The following ZC2HC1A variants were observed in gnomAD, a reference collection of about 807,000 sequenced individuals.
ZC2HC1A encodes the protein zinc finger C2HC domain-containing protein 1A.
Under a neutral mutation model 40.7 loss-of-function variants are expected in ZC2HC1A, and 28 were observed. The ratio of observed to expected loss-of-function variants is 0.69; its 90% CI spans 0.51 to 0.94. The LOEUF is 0.94. ZC2HC1A is among the 40% of genes least tolerant of loss of function. The pLI is 0.00. For synonymous variants in ZC2HC1A, 129 were observed against 129.2 expected (o/e 1.00, Z 0.01); for missense variants, 389 against 386.3 (o/e 1.01, Z -0.06).
At chr8:78,698,793 G>A (rs555604528) in intron 7 of ZC2HC1A, among the ~76,000 whole-genome samples, 15 of 152,176 alleles carry the variant, frequency 9.9e-5, no homozygotes, top group South Asian at 8.3e-4. Context: ...AAATGTTGAC[G>A]ATTTTTATAC....
At chr8:78,670,539 A>G (rs1304126372) in intron 1 of ZC2HC1A, among the ~76,000 whole-genome samples, 1 of 152,190 alleles carries the variant, frequency 6.6e-6, no homozygotes, top group Non-Finnish European at 1.5e-5. Context: ...AGGTTAATGT[A>G]CCATTTTCCA....
At chr8:78,708,772 C>A (rs1239277087) in intron 7 of ZC2HC1A, among the ~76,000 whole-genome samples, 2 of 151,282 alleles carry the variant, frequency 1.3e-5, no homozygotes, top group Non-Finnish European at 2.9e-5. Flanking sequence ...CCTCCGCCTC[C>A]TGGATTCAAG....
At chr8:78,667,860 AG>A (rs978907202) in intron 1 of ZC2HC1A, among the ~76,000 whole-genome samples, 1 of 152,172 alleles carries the variant, frequency 6.6e-6, no homozygotes, top group African/African-American at 2.4e-5. Flanking sequence ...AGGTGGACAA[AG>A]GTAGGATTCT....
intron 3 of ZC2HC1A, among the ~76,000 whole-genome samples, chr8:78,683,788 A>G (rs1186934691): frequency 2.6e-5 from 4 of 152,128 alleles, no homozygotes; most frequent in Non-Finnish European, 4.4e-5. Flanking sequence ...CCAAACTTAT[A>G]TATTCTGCTT....
chr8:78,677,293 A>G (rs181709974), intron 2 of ZC2HC1A, among the ~76,000 whole-genome samples: 1 of 152,206 alleles, frequency 6.6e-6, no homozygotes, highest in East Asian at 1.9e-4. Context: ...CATTTAAGAC[A>G]GCTTCCATTC....
rs72661312 is a variant in ZC2HC1A, at chr8:78,677,061, A to G, written c.93+1198A>G. Among the ~76,000 whole-genome samples the G allele has an allele frequency of 3.8e-3, 577 of 152,222 alleles. 3 individuals carry two copies. The highest frequency in any genetic ancestry group is 5.7e-3 in the Non-Finnish European group (387 of 67,958). ...AAATGAAAACTGAAAATAAGTATGTAAAACACTTGATTGCTAATTGTGTAC... is the reference window on the plus strand; with the variant it reads ...AAATGAAAACTGAAAATAAGTATGTGAAACACTTGATTGCTAATTGTGTAC... On this transcript the variant is annotated intron_variant, in intron 2 of 8. Coordinates refer to ENST00000263849, the MANE Select transcript of ZC2HC1A (RefSeq NM_016010.3).
chr8:78,697,767 C>G (rs1810473720), intron 6 of ZC2HC1A, among the ~76,000 whole-genome samples: 1 of 151,556 alleles, frequency 6.6e-6, no homozygotes, highest in Non-Finnish European at 1.5e-5. Flanking sequence ...CAACCTTCGC[C>G]TCCCAGGTTC....
intron 4 of ZC2HC1A, among the ~76,000 whole-genome samples, chr8:78,687,929 A>T (rs1007215464): frequency 1.4e-5 from 2 of 142,798 alleles, no homozygotes; most frequent in Admixed American, 7.3e-5. Flanking sequence ...AATTATTTAT[A>T]TCTATATTTT....
intron 3 of ZC2HC1A, among the ~76,000 whole-genome samples, chr8:78,682,550 C>T (rs1351258217): frequency 6.6e-6 from 1 of 152,098 alleles, no homozygotes; most frequent in Non-Finnish European, 1.5e-5. Flanking sequence ...GAAAAACCTG[C>T]CCCCGTGATT....
chr8:78,673,617 G>GT (rs1424280569), intron 1 of ZC2HC1A, among the ~76,000 whole-genome samples: 1 of 152,130 alleles, frequency 6.6e-6, no homozygotes, highest in Non-Finnish European at 1.5e-5. Flanking sequence ...TCTAACTGGC[G>GT]TGAGATGGTA....
chr8:78,713,368 A>T lies in ZC2HC1A; in HGVS notation c.705-1853A>T, dbSNP rs563362132. Among the ~76,000 whole-genome samples the T allele has an allele frequency of 3.3e-5, 5 of 152,196 alleles. No homozygotes were observed. The South Asian group carries it at 1.0e-3, about 32-fold the overall frequency. On this transcript the variant is annotated intron_variant, in intron 7 of 8. Coordinates refer to ENST00000263849, the MANE Select transcript of ZC2HC1A (RefSeq NM_016010.3). ...CCTCTAAATATAAACATTTTGAACA[A>T]CCTCAAGTTACCGATATGGTGACAT...
intron 7 of ZC2HC1A, among the ~76,000 whole-genome samples, chr8:78,708,582 A>C (rs972418115): frequency 6.6e-6 from 1 of 152,042 alleles, no homozygotes; most frequent in Admixed American, 6.5e-5. Context: ...CAATCAAATC[A>C]ATTTCTAGGT....
At chr8:78,712,031 T>A (rs1483875464) in intron 7 of ZC2HC1A, 9 of 1,289,642 alleles carry the variant, frequency 7.0e-6, no homozygotes, top group Non-Finnish European at 1.0e-6. Context: ...ACGGGAAGAC[T>A]TGTGCAAAGG....
Position 78,717,973 on chromosome 8 carries a change from AG to A in ZC2HC1A, c.*481del, listed in dbSNP as rs1811158585. On this transcript the variant is annotated 3_prime_UTR_variant, in exon 9 of 9. Transcript: ENST00000263849. The stretch of plus-strand genomic sequence containing the variant: ...TTTTGTAATTAAAGAGAACAGTTTT[AG>A]TTACCATTAGGTATGTTAAGGTCAC... 1 of 152,464 alleles carries A rather than the reference AG, an allele frequency of 6.6e-6. No homozygotes were observed. Among genetic ancestry groups the A allele is most frequent in the African/African-American group, 2.4e-5 (1 of 41,432 alleles). The allele number at this position is 152,464 out of a possible 1,614,324, so 9.4% of individuals were successfully genotyped here.
intron 4 of ZC2HC1A, among the ~76,000 whole-genome samples, chr8:78,688,641 A>T (rs1384489675): frequency 6.6e-6 from 1 of 152,110 alleles, no homozygotes; most frequent in Non-Finnish European, 1.5e-5. Flanking sequence ...TTTTGGGAAG[A>T]TATTTTATCT....
At chr8:78,669,641 C>T (rs1037189067) in intron 1 of ZC2HC1A, among the ~76,000 whole-genome samples, 11 of 152,032 alleles carry the variant, frequency 7.2e-5, no homozygotes, top group South Asian at 4.1e-4. Flanking sequence ...AATAGTAATC[C>T]GTTACCTTCC....
chr8:78,684,140 C>T (rs1809877402), intron 3 of ZC2HC1A, among the ~76,000 whole-genome samples: 1 of 152,180 alleles, frequency 6.6e-6, no homozygotes, highest in Non-Finnish European at 1.5e-5. Context: ...GTTGCTTACA[C>T]ATTTTGGGGT....
intron 1 of ZC2HC1A, among the ~76,000 whole-genome samples, chr8:78,667,340 T>C (rs1211397870): frequency 2.0e-5 from 3 of 152,138 alleles, no homozygotes; most frequent in African/African-American, 7.2e-5. Context: ...TGCTTATGTG[T>C]TTTTGGAAGA....
At chr8:78,711,637 A>G (rs944144211) in intron 7 of ZC2HC1A, among the ~76,000 whole-genome samples, 6 of 152,134 alleles carry the variant, frequency 3.9e-5, no homozygotes, top group African/African-American at 1.4e-4. Context: ...GGAGGAAGAA[A>G]AATCATTTGT....
Sources: gnomAD v4.1 joint callset for allele counts (sites outside exome capture counted in the v4.1 genomes callset) on GRCh38, gnomAD v4.1.1 for gene constraint, MANE v1.5 for transcripts, NCBI Gene and HGNC (gene_info 2026-07-23, HGNC 2026-07-21) for gene names.